Variants in CEP250 observed in about 807,000 individuals in gnomAD.
CEP250 encodes the protein centrosomal protein 250, also known as centrosome-associated protein CEP250.
CEP250 carries 242 observed loss-of-function variants against 315.7 expected under a neutral mutation model. The observed-to-expected ratio is 0.77, with a 90% CI of 0.69 to 0.85. CEP250 has a LOEUF of 0.85. Among genes scored for constraint, CEP250 ranks in the 40% least tolerant of loss-of-function variants. The probability of loss-of-function intolerance (pLI) is 0.00; values close to 1 mark genes in which losing one functional copy is unlikely to be tolerated. For synonymous variants in CEP250, 1,088 were observed against 1,175.0 expected (o/e 0.93, Z 1.51); for missense variants, 2,515 against 2,886.4 (o/e 0.87, Z 2.95).
chr20:35,490,838 A>T, intron 21 of CEP250, 34 bp downstream of exon 21: 1 of 1,606,758 alleles, frequency 6.2e-7, no homozygotes, highest in East Asian at 2.2e-5. Flanking sequence ...CTGCACGTCC[A>T]GTCAGCGATC....
At chr20:35,477,686 C>T in intron 16 of CEP250, 185 bp from the exon 17 acceptor site, 1 of 598,580 alleles carries the variant, frequency 1.7e-6, no homozygotes, top group East Asian at 2.8e-5. Context: ...AGCATCCAGC[C>T]CATCTAGTAC....
chr20:35,493,575 C>A lies in CEP250; in HGVS notation c.3033+3C>A. The A allele has an allele frequency of 6.5e-7, 1 of 1,531,772 alleles. No individual in the cohort carries two copies. The highest frequency in any genetic ancestry group is 1.3e-5 in the South Asian group (1 of 79,564). The allele number at this position is 1,531,772 out of a possible 1,614,324, so 94.9% of individuals were successfully genotyped here. A position where few individuals can be genotyped will look rare whatever the true frequency, so the allele number is the denominator to read the frequency against. On this transcript the variant is annotated splice_donor_region_variant and intron_variant, in intron 23 of 34. Coordinates refer to ENST00000397527, the MANE Select transcript of CEP250 (RefSeq NM_007186.6). ...ATAAGATGGACCTGCAGAAGCAGGT[C>A]CCCTCCTCCTCCCCACCAAGTCCCA...
chr20:35,497,086 A>G (rs533469374), intron 25 of CEP250, among the ~76,000 whole-genome samples: 28 of 152,222 alleles, frequency 1.8e-4, no homozygotes, highest in Admixed American at 1.7e-3. Context: ...AGGCAGCAGC[A>G]AGACTTCCAG....
chr20:35,495,601 A>C (rs896997782), intron 24 of CEP250, among the ~76,000 whole-genome samples: 2 of 152,156 alleles, frequency 1.3e-5, no homozygotes, highest in South Asian at 4.1e-4. Flanking sequence ...ACAAAAAAAA[A>C]TTAGCTGGGC....
At chr20:35,492,064 T>G (rs1245004756) in intron 22 of CEP250, among the ~76,000 whole-genome samples, 1 of 152,082 alleles carries the variant, frequency 6.6e-6, no homozygotes, top group Non-Finnish European at 1.5e-5. Flanking sequence ...GGAAATAGAA[T>G]GATACAACTG....
intron 33 of CEP250, 110 bp downstream of exon 33, chr20:35,509,154 G>C: frequency 1.2e-6 from 1 of 844,764 alleles, no homozygotes; most frequent in Non-Finnish European, 1.9e-6. Context: ...CTAGTCCAGA[G>C]AGCCCCTCCT....
In CEP250 at chr20:35,508,939, G is replaced by T; in HGVS notation, c.6907-4G>T. On this transcript the variant is annotated splice_region_variant and splice_polypyrimidine_tract_variant and intron_variant, in intron 32 of 34. Transcript: ENST00000397527. ...GCCCTGATTTCTTATTTGCACCTTG[G>T]CAGGTGGAGCGAGAACGGAGGAAGC... is the stretch of plus-strand genomic sequence containing the variant. The T allele has an allele frequency of 6.4e-7, 1 of 1,551,322 alleles. No individual in the cohort carries two copies. The highest frequency in any genetic ancestry group is 1.2e-5 in the South Asian group (1 of 84,122).
Position 35,515,668 on chromosome 20 carries a change from C to T in CEP250, c.*4042C>T, listed in dbSNP as rs1006859946. 1 of 152,318 alleles carries T rather than the reference C, an allele frequency of 6.6e-6. No individual in the cohort carries two copies. Among genetic ancestry groups the T allele is most frequent in the Non-Finnish European group, 1.5e-5 (1 of 68,138 alleles). The allele number at this position is 152,318 out of a possible 1,614,324, so 9.4% of individuals were successfully genotyped here. ...CAGCTGTCCACCCTGCAATACCTCA[C>T]CTCCTGCCTTCTGACCCAGTACTCT... is the stretch of plus-strand genomic sequence containing the variant. On this transcript the variant is annotated 3_prime_UTR_variant, in exon 35 of 35. Transcript: ENST00000397527.
chr20:35,475,647 G>T lies in CEP250; in HGVS notation c.1716+1G>T. The T allele has an allele frequency of 6.2e-7, 1 of 1,613,182 alleles. No individual in the cohort carries two copies. The highest frequency in any genetic ancestry group is 8.5e-7 in the Non-Finnish European group (1 of 1,179,900). ...GGAAGTGACCGCAGCGCTGGCTAGGGTGCGTGGCCTCCTCTCCTCACTTGC... is the reference window on the plus strand; with the variant it reads ...GGAAGTGACCGCAGCGCTGGCTAGGTTGCGTGGCCTCCTCTCCTCACTTGC... On this transcript the variant is annotated splice_donor_variant, in intron 15 of 34. Transcript: ENST00000397527. LOFTEE classifies it high-confidence loss of function.
At chr20:35,485,876 G>A (rs796374150) in intron 20 of CEP250, among the ~76,000 whole-genome samples, 1 of 147,828 alleles carries the variant, frequency 6.8e-6, no homozygotes, top group African/African-American at 2.5e-5. Flanking sequence ...TACCCAGGCT[G>A]GTCTTGAACT....
intron 34 of CEP250, among the ~76,000 whole-genome samples, chr20:35,510,503 A>C (rs1284632476): frequency 1.3e-5 from 2 of 152,184 alleles, no homozygotes; most frequent in Non-Finnish European, 2.9e-5. Context: ...CAGAGAAGTG[A>C]CTTGAAGAGC....
chr20:35,456,349 G>A (rs899586027), intron 1 of CEP250, among the ~76,000 whole-genome samples: 1 of 152,150 alleles, frequency 6.6e-6, no homozygotes, highest in Non-Finnish European at 1.5e-5. Context: ...CTGTCCCCAG[G>A]GCATTTGATG....
In CEP250 at chr20:35,480,135, G is replaced by A. The variant is rs372990292; in HGVS notation, c.2576G>A (p.Arg859Gln). ...AAHEKEVNQL[R>Q]EKWEKERSWH... ...CATGAGAAAGAGGTGAACCAGCTCC[G>A]GGAGAAATGGGTAAGTGGTCAATGT... Residue 859 changes from arginine (R) to glutamine (Q), a missense_variant, in exon 20 of 35, where the codon CGG (arginine) becomes CAG (glutamine). By Grantham distance (43) the Arg-to-Gln change is conservative. Transcript: ENST00000397527. The A allele has an allele frequency of 6.2e-5, 100 of 1,611,378 alleles. 1 individual carries two copies. The highest frequency in any genetic ancestry group is 1.0e-4 in the Admixed American group (6 of 59,924).
chr20:35,508,000 G>C, intron 31 of CEP250, 35 bp from the exon 32 acceptor site: 1 of 1,613,404 alleles, frequency 6.2e-7, no homozygotes. Context: ...TGTCTTAGGG[G>C]CTGCCCAGGT....
intron 20 of CEP250, among the ~76,000 whole-genome samples, chr20:35,489,980 T>C (rs1476372639): frequency 6.6e-6 from 1 of 151,876 alleles, no homozygotes; most frequent in Non-Finnish European, 1.5e-5. Flanking sequence ...GGAGTTCGAG[T>C]CCAGCCTGGG....
chr20:35,491,788 G>C (rs1168662253), intron 22 of CEP250, among the ~76,000 whole-genome samples: 2 of 151,482 alleles, frequency 1.3e-5, no homozygotes, highest in Non-Finnish European at 2.9e-5. Flanking sequence ...TGTAATCCCA[G>C]CTGCTTGGGA....
Position 35,496,707 on chromosome 20 carries a change from AGT to A in CEP250, c.3300_3301del (p.Ala1101SerfsTer15). The A allele has an allele frequency of 6.2e-7, 1 of 1,613,490 alleles. No homozygotes were observed. Among genetic ancestry groups the A allele is most frequent in the African/African-American group, 1.3e-5 (1 of 74,998 alleles). ...GGCCCAGGGAGAACAGAAAGAGCTC[AGT>A]GCTCAGGTACTTCCCACTCTGGTTA... ...QEAQGEQKELSAQMELLRQEV... is the reference protein window; with the variant it reads ...QEAQGEQKELXAQMELLRQEV... On this transcript the variant is annotated frameshift_variant, in exon 25 of 35. Transcript: ENST00000397527. LOFTEE classifies it high-confidence loss of function.
chr20:35,458,569 A>G (rs562450628), intron 2 of CEP250, among the ~76,000 whole-genome samples, 195 bp downstream of exon 2: 46 of 1,396 alleles, frequency 0.033, no homozygotes, highest in East Asian at 0.5. Context: ...ATGTAATCCA[A>G]TTTGTTAGTT....
At position 35,464,447 on chromosome 20, in the gene CEP250, G is replaced by T. The variant is rs2062826881; in HGVS notation, c.243+816G>T. Among the ~76,000 whole-genome samples the T allele has an allele frequency of 2.6e-5, 4 of 152,114 alleles. 1 individual carries two copies. The South Asian group carries it at 8.3e-4, about 32-fold the overall frequency. Reference sequence around the variant, plus strand: ...CCTCAGCCTCCCAAAAAGTAGCTGGGACTACAGATACATGCCTCAACATCT... The same window carrying T: ...CCTCAGCCTCCCAAAAAGTAGCTGGTACTACAGATACATGCCTCAACATCT... On this transcript the variant is annotated intron_variant, in intron 5 of 34. Coordinates refer to ENST00000397527, the MANE Select transcript of CEP250 (RefSeq NM_007186.6).
Sources: allele counts gnomAD v4.1 joint callset (sites outside exome capture counted in the v4.1 genomes callset), GRCh38; gene constraint gnomAD v4.1.1; transcripts MANE v1.5; gene names NCBI Gene and HGNC (gene_info 2026-07-23, HGNC 2026-07-21).